Variants in ZFHX4 observed in about 807,000 individuals in gnomAD.
The protein encoded by ZFHX4 is zinc finger homeobox protein 4.
In ZFHX4, 56 loss-of-function variants were observed where a neutral mutation model predicts 267.6. That is an observed-to-expected ratio of 0.21 (90% CI 0.17 to 0.26). The LOEUF (loss-of-function observed/expected upper bound fraction) is 0.26, where lower values mean the gene tolerates loss of function less well. ZFHX4 is among the 10% of genes least tolerant of loss of function. The pLI is 1.00. For synonymous variants in ZFHX4, 1,778 were observed against 1,665.6 expected (o/e 1.07, Z -1.64); for missense variants, 4,332 against 4,420.0 (o/e 0.98, Z 0.56).
At chr8:76,718,292 C>T (rs1159595589) in intron 3 of ZFHX4, among the ~76,000 whole-genome samples, 1 of 152,112 alleles carries the variant, frequency 6.6e-6, no homozygotes, top group African/African-American at 2.4e-5. Flanking sequence ...GAATTTACAA[C>T]ACATGATAAA....
Position 76,705,063 on chromosome 8 carries a change from T to C in ZFHX4, c.975T>C (p.Ile325=), listed in dbSNP as rs753830045. The change falls in exon 2 of 11, where the codon ATT becomes ATC. Residue 325 remains isoleucine, a synonymous_variant. Transcript: ENST00000651372. ...NKCVSAIIQG[I]GKDKEPLISF... ...GCGTCTCCGCCATAATACAGGGGAT[T>C]GGCAAAGACAAAGAACCTCTTATAA... The C allele has an allele frequency of 9.3e-6, 15 of 1,613,810 alleles. No homozygotes were observed. Among genetic ancestry groups the C allele is most frequent in the Non-Finnish European group, 1.2e-5 (14 of 1,179,890 alleles).
chr8:76,722,431 A>G (rs1368755135), intron 3 of ZFHX4, among the ~76,000 whole-genome samples: 3 of 152,022 alleles, frequency 2.0e-5, no homozygotes, highest in African/African-American at 7.2e-5. Flanking sequence ...TCCTCCCATT[A>G]TTAATATACT....
intron 7 of ZFHX4, 75 bp downstream of exon 7, chr8:76,849,203 G>T (rs1179852938): frequency 6.9e-7 from 1 of 1,447,230 alleles, no homozygotes; most frequent in African/African-American, 1.4e-5. Context: ...AGCCCCAAAT[G>T]ATTCCATGCT....
In ZFHX4 at chr8:76,705,495, G is replaced by C. The variant is rs759000691; in HGVS notation, c.1407G>C (p.Pro469=). 1.2e-6 allele frequency: 2 copies of C among 1,613,560 alleles called. No individual in the cohort carries two copies. The highest frequency in any genetic ancestry group is 1.3e-5 in the African/African-American group (1 of 74,922). ...CTGTCAAAAGTGAACCCACTGAACC[G>C]GGAGATGAGGATGAAGAAGATGCGT... ...ECPVKSEPTE[P]GDEDEEDAYS... Residue 469 remains proline, a synonymous_variant, in exon 2 of 11, where the codon CCG becomes CCC. Coordinates refer to ENST00000651372, the MANE Select transcript of ZFHX4 (RefSeq NM_024721.5).
At position 76,818,285 on chromosome 8, in the gene ZFHX4, A is replaced by G. The variant is rs796856500; in HGVS notation, c.3326-15053A>G. Among the ~76,000 whole-genome samples the G allele has an allele frequency of 2.4e-4, 36 of 152,226 alleles. 1 individual carries two copies. Among genetic ancestry groups the G allele is most frequent in the African/African-American group, 8.2e-4 (34 of 41,544 alleles). On this transcript the variant is annotated intron_variant, in intron 4 of 10. Transcript: ENST00000651372. ...ATTGTCCTTAGGGTTAAGAGGAGGA[A>G]TGGCATGATGCAGACTCAGAGATGA...
intron 3 of ZFHX4, among the ~76,000 whole-genome samples, chr8:76,758,710 G>C (rs1036050345): frequency 3.2e-4 from 49 of 152,224 alleles, no homozygotes; most frequent in African/African-American, 1.1e-3. Context: ...GCCTAGGCTG[G>C]TCTCGAATCC....
rs1401909479 is a variant in ZFHX4 at position 76,706,122 on chromosome 8, G to T, written c.2034G>T (p.Lys678Asn). The change falls in exon 2 of 11, where the codon AAG (lysine) becomes AAT (asparagine). Residue 678 changes from lysine (K) to asparagine (N), a missense_variant. Coordinates refer to ENST00000651372, the MANE Select transcript of ZFHX4 (RefSeq NM_024721.5). Reference sequence around the variant, plus strand: ...CGGGTGGCTCTTGTGTTTATTGTAAGACTGGACAGCCTCACCCCAGGCTTG... The same window carrying T: ...CGGGTGGCTCTTGTGTTTATTGTAATACTGGACAGCCTCACCCCAGGCTTG... ...PEPGGSCVYCKTGQPHPRLAR... is the reference protein window; with the variant it reads ...PEPGGSCVYCNTGQPHPRLAR... 3.7e-6 allele frequency: 6 copies of T among 1,613,652 alleles called. No homozygotes were observed.
intron 6 of ZFHX4, among the ~76,000 whole-genome samples, chr8:76,843,072 T>A (rs923459036): frequency 6.6e-6 from 1 of 152,336 alleles, no homozygotes; most frequent in Admixed American, 6.5e-5. Flanking sequence ...GTGCTTGTAA[T>A]TTTTTAAGCG....
Position 76,778,448 on chromosome 8 carries a change from C to T in ZFHX4, c.3325+9C>T, listed in dbSNP as rs1810460506. The stretch of plus-strand genomic sequence containing the variant: ...CCCACCAAATGAGCTTGGTGAGTAA[C>T]CCTGAAGAGGGCTGTCTCTGAGCCT... On this transcript the variant is annotated intron_variant, in intron 4 of 10. Transcript: ENST00000651372. 6.2e-7 allele frequency: 1 copy of T among 1,609,566 alleles called. No homozygotes were observed. The highest frequency in any genetic ancestry group is 8.5e-7 in the Non-Finnish European group (1 of 1,176,840).
chr8:76,803,770 A>C (rs1053546472), intron 4 of ZFHX4, among the ~76,000 whole-genome samples: 16 of 152,256 alleles, frequency 1.1e-4, no homozygotes, highest in Middle Eastern at 3.4e-3. Flanking sequence ...ATCAGTAGGG[A>C]TATTTTTGCC....
chr8:76,833,287 G>T, intron 4 of ZFHX4, 51 bp from the exon 5 acceptor site: 1 of 1,520,730 alleles, frequency 6.6e-7, no homozygotes, highest in South Asian at 1.2e-5. Flanking sequence ...GCCATGATGA[G>T]AGAGCTGGAT....
chr8:76,842,742 G>T lies in ZFHX4; in HGVS notation c.3482G>T (p.Ser1161Ile). Residue 1161 changes from serine to isoleucine, a missense_variant, in exon 6 of 11, where the codon AGT (serine) becomes ATT (isoleucine). By Grantham distance (142) the Ser-to-Ile change is moderately radical. This residue lies in a region of ZFHX4 where 1,371 missense variants were observed against 1,423.1 expected (regional missense o/e 0.96). Coordinates refer to ENST00000651372, the MANE Select transcript of ZFHX4 (RefSeq NM_024721.5). ...AAAGACACAAGTGAGAGAGACAATA[G>T]TGAAGGCAAAAACTCTAATAAAGAC... Reference protein sequence around the residue: ...DEKDTSERDNSEGKNSNKDSG... With the variant: ...DEKDTSERDNIEGKNSNKDSG... 1 of 1,553,126 alleles carries T rather than the reference G, an allele frequency of 6.4e-7. No homozygotes were observed. Among genetic ancestry groups the T allele is most frequent in the South Asian group, 1.2e-5 (1 of 84,084 alleles).
intron 4 of ZFHX4, among the ~76,000 whole-genome samples, chr8:76,800,892 C>T (rs1402644686): frequency 6.6e-6 from 1 of 152,160 alleles, no homozygotes; most frequent in African/African-American, 2.4e-5. Flanking sequence ...TGTTGAAGGC[C>T]ACAGTTCGGC....
At chr8:76,814,201 G>A (rs1167376633) in intron 4 of ZFHX4, among the ~76,000 whole-genome samples, 1 of 152,158 alleles carries the variant, frequency 6.6e-6, no homozygotes, top group Non-Finnish European at 1.5e-5. Flanking sequence ...CTCCTGAACA[G>A]CTGGGATTAC....
chr8:76,709,802 CGTGTGTGT>C (rs34448728), intron 3 of ZFHX4, among the ~76,000 whole-genome samples: 14 of 140,088 alleles, frequency 1.0e-4, no homozygotes, highest in South Asian at 2.3e-4. Context: ...CGTGTGTGTG[CGTGTGTGT>C]GTGTGTGTGT....
intron 6 of ZFHX4, among the ~76,000 whole-genome samples, chr8:76,847,853 T>C (rs930163991): frequency 1.1e-4 from 17 of 152,194 alleles, no homozygotes; most frequent in African/African-American, 3.9e-4. Flanking sequence ...CGTATGTGGA[T>C]TGAAAAAAAA....
At chr8:76,748,700 C>T (rs939445093) in intron 3 of ZFHX4, among the ~76,000 whole-genome samples, 32 of 152,018 alleles carry the variant, frequency 2.1e-4, no homozygotes, top group Admixed American at 2.6e-4. Flanking sequence ...CCTCTCAAAG[C>T]GTGTCTTTTC....
intron 3 of ZFHX4, among the ~76,000 whole-genome samples, chr8:76,723,822 G>A (rs544026878): frequency 2.6e-4 from 40 of 152,010 alleles, no homozygotes; most frequent in African/African-American, 9.6e-4. Context: ...CAGTACCTTC[G>A]GATTTGTGTA....
intron 4 of ZFHX4, among the ~76,000 whole-genome samples, chr8:76,796,004 G>A (rs1810971562): frequency 6.6e-6 from 1 of 151,968 alleles, no homozygotes; most frequent in East Asian, 1.9e-4. Flanking sequence ...ATTGTGGAAG[G>A]CCAAAAATCT....
Sources: gnomAD v4.1 joint callset for allele counts (sites outside exome capture counted in the v4.1 genomes callset) on GRCh38, gnomAD v4.1.1 for gene constraint, gnomAD v4.1.1 regional missense constraint, MANE v1.5 for transcripts, NCBI Gene and HGNC (gene_info 2026-07-23, HGNC 2026-07-21) for gene names.